PRUNE2: variants seen among roughly 807,000 people sequenced by gnomAD.
PRUNE2 encodes prune homolog 2 with BCH domain.
A neutral mutation model predicts 252.0 loss-of-function variants in PRUNE2; 164 were observed. That is an observed-to-expected ratio of 0.65 (90% CI 0.57 to 0.74). The LOEUF (loss-of-function observed/expected upper bound fraction) is 0.74. Among genes scored for constraint, PRUNE2 ranks in the 30% least tolerant of loss-of-function variants. The pLI is 0.00. For synonymous variants in PRUNE2, 1,292 were observed against 1,350.2 expected (o/e 0.96, Z 0.94); for missense variants, 3,495 against 3,711.0 (o/e 0.94, Z 1.51).
chr9:76,706,995 T>A lies in PRUNE2; in HGVS notation c.5279A>T (p.Gln1760Leu). The A allele has an allele frequency of 3.1e-6, 5 of 1,614,044 alleles. No individual in the cohort carries two copies. The highest frequency in any genetic ancestry group is 4.2e-6 in the Non-Finnish European group (5 of 1,179,890). Reference protein sequence around the residue: ...ENKSNPFCDNQQSSPDPWTFS... With the variant: ...ENKSNPFCDNLQSSPDPWTFS... ...AGTCCAGGGATCAGGGCTGCTTTGT[T>A]GATTGTCACAGAATGGGTTTGACTT... The change falls in exon 8 of 19, where the codon CAA (glutamine) becomes CTA (leucine). Residue 1760 changes from glutamine (Q) to leucine (L), a missense_variant. Gln to Leu is a moderately radical substitution (Grantham distance 113). Transcript: ENST00000376718.
intron 4 of PRUNE2, among the ~76,000 whole-genome samples, chr9:76,840,026 T>C (rs988122533): frequency 6.6e-6 from 1 of 152,168 alleles, no homozygotes; most frequent in African/African-American, 2.4e-5. Context: ...GACAAGCATG[T>C]GAAGATGTAA....
chr9:76,720,962 G>A (rs766204353), intron 6 of PRUNE2, among the ~76,000 whole-genome samples: 2 of 152,108 alleles, frequency 1.3e-5, no homozygotes, highest in Admixed American at 6.6e-5. Context: ...TTAGCCAGGC[G>A]TGGTGACCGG....
rs185409527 is a variant in PRUNE2, at chr9:76,791,958, A to T, written c.756+31674T>A. On this transcript the variant is annotated intron_variant, in intron 6 of 18. Coordinates refer to ENST00000376718, the MANE Select transcript of PRUNE2 (RefSeq NM_015225.3). ...GGGAGAAGGAGGGAGGGAAGGGAAC[A>T]CTTCAGACAGATTTGAGCATGCAGG... 2.6e-5 allele frequency among the ~76,000 whole-genome samples: 4 copies of T among 152,254 alleles called. No individual in the cohort carries two copies. In the East Asian group the frequency reaches 7.7e-4, roughly 29 times the overall value.
chr9:76,732,587 T>G (rs1256720991), intron 6 of PRUNE2, among the ~76,000 whole-genome samples: 1 of 152,250 alleles, frequency 6.6e-6, no homozygotes, highest in Non-Finnish European at 1.5e-5. Flanking sequence ...AGTGTCTGGT[T>G]AGCAGGCCTG....
At chr9:76,729,434 C>A (rs941705494) in intron 6 of PRUNE2, among the ~76,000 whole-genome samples, 3 of 152,144 alleles carry the variant, frequency 2.0e-5, no homozygotes, top group Non-Finnish European at 4.4e-5. Flanking sequence ...TTCTGAGCCT[C>A]AGGTTCCTAT....
At chr9:76,746,959 A>G (rs1221950325) in intron 6 of PRUNE2, among the ~76,000 whole-genome samples, 1 of 152,174 alleles carries the variant, frequency 6.6e-6, no homozygotes, top group Non-Finnish European at 1.5e-5. Flanking sequence ...ATTGTAGCAA[A>G]TTAATTGAAC....
intron 15 of PRUNE2, among the ~76,000 whole-genome samples, chr9:76,631,240 A>G (rs919538649): frequency 2.2e-4 from 33 of 152,330 alleles, no homozygotes; most frequent in African/African-American, 7.2e-4. Flanking sequence ...AGGGAAAAGA[A>G]GTCATGCAAA....
At chr9:76,895,252 G>A (rs58146753) in intron 1 of PRUNE2, among the ~76,000 whole-genome samples, 5,063 of 152,174 alleles carry the variant, frequency 0.033, 285 homozygotes, top group African/African-American at 0.12. Context: ...GGTCATTGCT[G>A]TGCCTCCTCT....
chr9:76,870,175 A>C (rs1806439760), intron 1 of PRUNE2, among the ~76,000 whole-genome samples: 1 of 152,186 alleles, frequency 6.6e-6, no homozygotes, highest in African/African-American at 2.4e-5. Context: ...ACATAATAAA[A>C]ATGCATCGGA....
At chr9:76,637,394 G>A in intron 14 of PRUNE2, 24 bp downstream of exon 14, 3 of 1,611,354 alleles carry the variant, frequency 1.9e-6, no homozygotes, top group Non-Finnish European at 2.5e-6. Flanking sequence ...TCAAAATAGT[G>A]ATTAAATAAT....
At chr9:76,872,483 T>G (rs913868728) in intron 1 of PRUNE2, among the ~76,000 whole-genome samples, 1 of 152,062 alleles carries the variant, frequency 6.6e-6, no homozygotes, top group Non-Finnish European at 1.5e-5. Context: ...GACTTTTGCC[T>G]TTCTTCAAGG....
chr9:76,871,824 T>C (rs1240246853), intron 1 of PRUNE2, among the ~76,000 whole-genome samples: 2 of 152,122 alleles, frequency 1.3e-5, no homozygotes, highest in African/African-American at 4.8e-5. Flanking sequence ...AGATGGGGTT[T>C]CACCATGTTG....
chr9:76,697,518 T>A (rs1415188070), intron 9 of PRUNE2, among the ~76,000 whole-genome samples: 1 of 152,094 alleles, frequency 6.6e-6, no homozygotes, highest in East Asian at 1.9e-4. Flanking sequence ...TACTCAGGTA[T>A]CAAAAAAGCC....
intron 6 of PRUNE2, among the ~76,000 whole-genome samples, chr9:76,732,239 A>G (rs1042171196): frequency 2.0e-5 from 3 of 152,192 alleles, no homozygotes; most frequent in African/African-American, 7.2e-5. Context: ...TCCAGGAGGC[A>G]GAGCTTGCAG....
intron 3 of PRUNE2, among the ~76,000 whole-genome samples, chr9:76,847,669 GC>G (rs759110551): frequency 7.2e-5 from 11 of 152,132 alleles, no homozygotes; most frequent in Admixed American, 2.0e-4. Context: ...GACAGAGCTG[GC>G]TTTTAGCAAA....
intron 6 of PRUNE2, among the ~76,000 whole-genome samples, chr9:76,719,474 C>CA (rs1339164567): frequency 1.3e-5 from 2 of 151,744 alleles, no homozygotes; most frequent in East Asian, 3.9e-4. Flanking sequence ...CACTATCAAA[C>CA]TTTTTTTTAG....
At chr9:76,839,714 G>A (rs975452212) in intron 4 of PRUNE2, among the ~76,000 whole-genome samples, 10 of 152,164 alleles carry the variant, frequency 6.6e-5, no homozygotes, top group African/African-American at 2.2e-4. Context: ...GGAGGAGATA[G>A]GGCAACAGTC....
At chr9:76,656,482 AACG>A (rs1490190665) in intron 9 of PRUNE2, among the ~76,000 whole-genome samples, 1 of 152,218 alleles carries the variant, frequency 6.6e-6, no homozygotes, top group Non-Finnish European at 1.5e-5. Flanking sequence ...TGCACTATGT[AACG>A]CTGGATCTAC....
chr9:76,652,686 A>G lies in PRUNE2; in HGVS notation c.8357-3T>C, dbSNP rs752994512. 2 of 1,596,354 alleles carry G rather than the reference A, an allele frequency of 1.3e-6. No individual in the cohort carries two copies. The highest frequency in any genetic ancestry group is 1.7e-6 in the Non-Finnish European group (2 of 1,164,372). On this transcript the variant is annotated splice_region_variant and splice_polypyrimidine_tract_variant and intron_variant, in intron 10 of 18. Transcript: ENST00000376718. Reference sequence around the variant, plus strand: ...AAGATCCAGAGAATTAGGAGGTTCTAAAGAAGAAAGAGAACAGCAACATCA... The same window carrying G: ...AAGATCCAGAGAATTAGGAGGTTCTGAAGAAGAAAGAGAACAGCAACATCA...
Sources: gnomAD v4.1 joint callset for allele counts (sites outside exome capture counted in the v4.1 genomes callset) on GRCh38, gnomAD v4.1.1 for gene constraint, MANE v1.5 for transcripts, NCBI Gene and HGNC (gene_info 2026-07-23, HGNC 2026-07-21) for gene names.